SLC9C1: variants seen among roughly 807,000 people sequenced by gnomAD.
The protein encoded by SLC9C1 is solute carrier family 9 member C1.
A neutral mutation model predicts 140.9 loss-of-function variants in SLC9C1; 97 were observed. That is an observed-to-expected ratio of 0.69 (90% confidence interval 0.58 to 0.82). The LOEUF is 0.82. SLC9C1 is among the 40% of genes least tolerant of loss of function. The pLI, the probability that SLC9C1 is intolerant of heterozygous loss-of-function variation, is 0.00. For synonymous variants in SLC9C1, 440 were observed against 442.6 expected (o/e 0.99, Z 0.07); for missense variants, 1,340 against 1,389.3 (o/e 0.96, Z 0.56).
chr3:112,190,624 T>G (rs566275431), intron 20 of SLC9C1, among the ~76,000 whole-genome samples: 101 of 152,322 alleles, frequency 6.6e-4, no homozygotes, highest in Middle Eastern at 3.4e-3. Flanking sequence ...CTCTAGTTTC[T>G]ATTTACTAAA....
intron 7 of SLC9C1, among the ~76,000 whole-genome samples, chr3:112,267,319 G>A (rs1216040684): frequency 6.6e-6 from 1 of 151,816 alleles, no homozygotes; most frequent in Non-Finnish European, 1.5e-5. Flanking sequence ...GCTCACGCCT[G>A]TAATCCCAGC....
intron 13 of SLC9C1, among the ~76,000 whole-genome samples, chr3:112,227,174 G>A (rs557653589): frequency 9.2e-5 from 14 of 152,170 alleles, no homozygotes; most frequent in Admixed American, 3.3e-4. Context: ...CAAGATTGCA[G>A]CAGTAATATA....
rs186375305 is a variant in SLC9C1 at position 112,274,216 on chromosome 3, T to C, written c.613+681A>G. 2.3e-3 allele frequency among the ~76,000 whole-genome samples: 356 copies of C among 152,262 alleles called. 1 individual carries two copies. The highest frequency in any genetic ancestry group is 3.6e-3 in the Non-Finnish European group (247 of 68,016). ...TTTGACCAGAGAGGAGCACATAAGA[T>C]GCTTCTAGGGATGGTGGTAACATGA... On this transcript the variant is annotated intron_variant, in intron 6 of 28. Coordinates refer to ENST00000305815, the MANE Select transcript of SLC9C1 (RefSeq NM_183061.3).
chr3:112,265,095 G>A (rs201887515), intron 8 of SLC9C1, among the ~76,000 whole-genome samples: 13 of 151,910 alleles, frequency 8.6e-5, no homozygotes, highest in African/African-American at 2.7e-4. Context: ...CTGATGGCAC[G>A]AGCTTCAAAA....
In SLC9C1 at chr3:112,231,552, A is replaced by T. The variant is rs530166951; in HGVS notation, c.1447-66T>A. 37 of 1,478,108 alleles carry T rather than the reference A, an allele frequency of 2.5e-5. No homozygotes were observed. The African/African-American group carries it at 5.0e-4, about 20-fold the overall frequency. The allele number at this position is 1,478,108 out of a possible 1,614,324, so 91.6% of individuals were successfully genotyped here. On this transcript the variant is annotated intron_variant, in intron 12 of 28. Coordinates refer to ENST00000305815, the MANE Select transcript of SLC9C1 (RefSeq NM_183061.3). ...ATTAACATATTGTTTAGCAAAATCCACAAGCAATTTTTGTACCAGTTTGCA... is the reference window on the plus strand; with the variant it reads ...ATTAACATATTGTTTAGCAAAATCCTCAAGCAATTTTTGTACCAGTTTGCA...
chr3:112,231,607 A>G, intron 12 of SLC9C1, 121 bp from the exon 13 acceptor site: 2 of 922,960 alleles, frequency 2.2e-6, no homozygotes, highest in South Asian at 1.7e-5. Flanking sequence ...CTGGTAGATA[A>G]GAAAAATGTT....
intron 12 of SLC9C1, among the ~76,000 whole-genome samples, chr3:112,239,263 G>T (rs986024936): frequency 6.6e-6 from 1 of 152,236 alleles, no homozygotes; most frequent in African/African-American, 2.4e-5. Context: ...CCAGGTGCGG[G>T]ATATAATCTC....
chr3:112,243,099 T>C (rs1440995430), intron 11 of SLC9C1, among the ~76,000 whole-genome samples: 1 of 152,190 alleles, frequency 6.6e-6, no homozygotes, highest in Non-Finnish European at 1.5e-5. Context: ...TCAGCCACTG[T>C]GGAAAGCAGT....
At chr3:112,291,957 G>A (rs1576546914) in intron 1 of SLC9C1, among the ~76,000 whole-genome samples, 1 of 152,334 alleles carries the variant, frequency 6.6e-6, no homozygotes, top group East Asian at 1.9e-4. Context: ...ATGAGATCAT[G>A]TCCTTTGTAG....
At chr3:112,224,703 T>A (rs185345659) in intron 13 of SLC9C1, among the ~76,000 whole-genome samples, 23 of 148,086 alleles carry the variant, frequency 1.6e-4, no homozygotes, top group Non-Finnish European at 3.4e-4. Context: ...AAAAAGAATC[T>A]CTAAACTTGA....
chr3:112,279,504 G>A (rs9288946), intron 3 of SLC9C1, among the ~76,000 whole-genome samples: 87,694 of 151,534 alleles, frequency 0.58, 25,968 homozygotes, highest in East Asian at 0.79. Context: ...CAATCAAGAC[G>A]AAGAAAGAAG....
chr3:112,269,890 A>T, intron 7 of SLC9C1, 26 bp downstream of exon 7: 1 of 1,444,726 alleles, frequency 6.9e-7, no homozygotes, highest in Non-Finnish European at 9.1e-7. Flanking sequence ...ATGTGATTTT[A>T]TTTTAGGCAT....
chr3:112,178,667 C>A (rs182366894), intron 23 of SLC9C1, among the ~76,000 whole-genome samples: 1 of 152,306 alleles, frequency 6.6e-6, no homozygotes, highest in East Asian at 1.9e-4. Flanking sequence ...TGAGGTACAT[C>A]ATGCCTGGTT....
intron 23 of SLC9C1, 146 bp from the exon 24 acceptor site, chr3:112,169,474 CT>C (rs1330467695): frequency 4.6e-5 from 36 of 774,916 alleles, no homozygotes; most frequent in Non-Finnish European, 5.3e-5. Flanking sequence ...TAAAATGTGT[CT>C]ATCAATGAAA....
intron 23 of SLC9C1, among the ~76,000 whole-genome samples, chr3:112,175,469 A>G (rs944673447): frequency 2.0e-5 from 3 of 152,208 alleles, no homozygotes; most frequent in African/African-American, 7.2e-5. Context: ...CCATGTTTTC[A>G]TAGAGCAGCT....
Position 112,280,665 on chromosome 3 carries a change from C to T in SLC9C1, c.189+18G>A, listed in dbSNP as rs2080333028. The T allele has an allele frequency of 6.4e-7, 1 of 1,554,038 alleles. No homozygotes were observed. The highest frequency in any genetic ancestry group is 8.7e-7 in the Non-Finnish European group (1 of 1,149,726). ...ATTCTCAAATAAATAGTGTAAAATA[C>T]TCATTTACAATACACACCTGTGAAG... is the stretch of plus-strand genomic sequence containing the variant. On this transcript the variant is annotated intron_variant, in intron 3 of 28. Coordinates refer to ENST00000305815, the MANE Select transcript of SLC9C1 (RefSeq NM_183061.3).
chr3:112,185,389 G>C, intron 20 of SLC9C1: 1 of 803,064 alleles, frequency 1.2e-6, no homozygotes, highest in Non-Finnish European at 1.9e-6. Context: ...GCCTGCGATG[G>C]GGATGGGGAA....
At chr3:112,281,042 C>G (rs1222338883) in intron 2 of SLC9C1, among the ~76,000 whole-genome samples, 1 of 152,140 alleles carries the variant, frequency 6.6e-6, no homozygotes, top group Non-Finnish European at 1.5e-5. Flanking sequence ...ATTATTGGCT[C>G]TTGGGTTACT....
At chr3:112,147,174 G>T (rs1169176106) in intron 28 of SLC9C1, among the ~76,000 whole-genome samples, 1 of 152,040 alleles carries the variant, frequency 6.6e-6, no homozygotes, top group Non-Finnish European at 1.5e-5. Context: ...CCTTTACTTT[G>T]AGCTCATTGG....
Sources: gnomAD v4.1 joint callset for allele counts (sites outside exome capture counted in the v4.1 genomes callset) on GRCh38, gnomAD v4.1.1 for gene constraint, MANE v1.5 for transcripts, NCBI Gene and HGNC (gene_info 2026-07-23, HGNC 2026-07-21) for gene names.